Variants in P3H2 observed in about 807,000 individuals in gnomAD.
P3H2 encodes the protein prolyl 3-hydroxylase 2.
In P3H2, 80 loss-of-function variants were observed where a neutral mutation model predicts 87.0. The observed-to-expected ratio is 0.92, with a 90% CI of 0.77 to 1.11. The LOEUF is 1.11. Among genes scored for constraint, P3H2 ranks in the 50% least tolerant of loss-of-function variants. The pLI is 0.00. For missense variants in P3H2, 1,001 were observed against 923.9 expected (o/e 1.08, Z -1.08); for synonymous variants, 367 against 359.3 (o/e 1.02, Z -0.24).
At chr3:190,101,363 G>A (rs1244804803) in intron 1 of P3H2, among the ~76,000 whole-genome samples, 1 of 33,228 alleles carries the variant, frequency 3.0e-5, no homozygotes, top group Non-Finnish European at 5.1e-5. Context: ...ACCAAATCAT[G>A]AACGCAAAAA....
intron 1 of P3H2, among the ~76,000 whole-genome samples, chr3:190,119,324 A>C (rs997575027): frequency 4.6e-5 from 7 of 152,104 alleles, no homozygotes; most frequent in African/African-American, 1.7e-4. Context: ...TGTAGAAGAT[A>C]CATTGATATA....
rs571998202 is a variant in P3H2, at chr3:190,049,076, G to A, written c.481-53634C>T. ...GACTCAGTCCTCAACCCTTGCCAAA[G>A]TAGTAGTTTTCTAGATATAAAACTA... On this transcript the variant is annotated intron_variant, in intron 1 of 14. Coordinates refer to ENST00000319332, the MANE Select transcript of P3H2 (RefSeq NM_018192.4). Among the ~76,000 whole-genome samples the A allele has an allele frequency of 1.2e-4, 18 of 152,278 alleles. No individual in the cohort carries two copies. The South Asian group carries it at 3.7e-3, about 32-fold the overall frequency.
intron 14 of P3H2, among the ~76,000 whole-genome samples, chr3:189,958,421 A>G (rs1722704591): frequency 6.6e-6 from 1 of 152,074 alleles, no homozygotes; most frequent in Non-Finnish European, 1.5e-5. Flanking sequence ...CCTGCATCTG[A>G]TAAGTCACCT....
intron 1 of P3H2, among the ~76,000 whole-genome samples, chr3:190,002,549 C>T (rs1372428018): frequency 1.3e-5 from 2 of 152,004 alleles, no homozygotes; most frequent in East Asian, 1.9e-4. Context: ...TACAGGCACG[C>T]GCCAACACAC....
intron 1 of P3H2, among the ~76,000 whole-genome samples, chr3:190,012,317 C>T (rs931278659): frequency 1.3e-5 from 2 of 151,442 alleles, no homozygotes; most frequent in Non-Finnish European, 2.9e-5. Flanking sequence ...TTCCTGCTGT[C>T]CTTAATCTAT....
At chr3:189,966,191 GAAAA>G (rs1210937032) in intron 13 of P3H2, among the ~76,000 whole-genome samples, 1 of 141,926 alleles carries the variant, frequency 7.0e-6, no homozygotes, top group Non-Finnish European at 1.6e-5. Flanking sequence ...AAGAAAGAAA[GAAAA>G]GCCTTCTGAG....
At chr3:190,076,466 C>T (rs937769021) in intron 1 of P3H2, among the ~76,000 whole-genome samples, 1 of 152,166 alleles carries the variant, frequency 6.6e-6, no homozygotes, top group African/African-American at 2.4e-5. Context: ...GATGAGGCAG[C>T]TATTACTACA....
rs1007309059 is a variant in P3H2 at position 189,961,129 on chromosome 3, C to T, written c.2034+2829G>A. Among the ~76,000 whole-genome samples, 13 of 152,062 alleles carry T rather than the reference C, an allele frequency of 8.5e-5. 1 individual carries two copies. The East Asian group carries it at 2.5e-3, about 29-fold the overall frequency. ...CTAATTTTTGTAATTTTAGTAGAGA[C>T]GGGGTTTCGCCATGTTGGCCAGGCT... On this transcript the variant is annotated intron_variant, in intron 14 of 14. Coordinates refer to ENST00000319332, the MANE Select transcript of P3H2 (RefSeq NM_018192.4).
At chr3:190,032,618 T>G (rs1329670252) in intron 1 of P3H2, among the ~76,000 whole-genome samples, 3 of 152,172 alleles carry the variant, frequency 2.0e-5, no homozygotes, top group Non-Finnish European at 2.9e-5. Flanking sequence ...ATGGGTACAT[T>G]TAGAGCTTTG....
Position 189,973,929 on chromosome 3 carries a change from T to C in P3H2, c.1528A>G (p.Thr510Ala). 2 of 1,613,936 alleles carry C rather than the reference T, an allele frequency of 1.2e-6. No homozygotes were observed. Among genetic ancestry groups the C allele is most frequent in the Non-Finnish European group, 1.7e-6 (2 of 1,179,814 alleles). The stretch of plus-strand genomic sequence containing the variant: ...TTTACTTTGAGTGCTTTCAGGACAG[T>C]TGCACCTTCAAACTTTTCATTGGGT... ...HTPNEKFEGA[T>A]VLKALKSGYE... Residue 510 changes from threonine to alanine, a missense_variant, in exon 10 of 15, where the codon ACT becomes GCT. Transcript: ENST00000319332.
In P3H2 at chr3:189,988,988, C is replaced by T; in HGVS notation, c.874G>A (p.Ala292Thr). 6.2e-7 allele frequency: 1 copy of T among 1,614,004 alleles called. No homozygotes were observed. The highest frequency in any genetic ancestry group is 8.5e-7 in the Non-Finnish European group (1 of 1,179,990). The change falls in exon 4 of 15, where the codon GCC becomes ACC. Residue 292 changes from alanine (A) to threonine (T), a missense_variant. Ala to Thr is a moderately conservative substitution (Grantham distance 58, BLOSUM62 0). Transcript: ENST00000319332. Reference protein sequence around the residue: ...VCQHECVRELATRPGRLSPIE... With the variant: ...VCQHECVRELTTRPGRLSPIE... ...GGAGAGAGGCGGCCAGGGCGGGTGG[C>T]AAGTTCCCTCACACATTCATGCTGA...
At chr3:189,986,922 A>T (rs762090246) in intron 5 of P3H2, 45 bp from the exon 6 acceptor site, 1 of 1,242,764 alleles carries the variant, frequency 8.0e-7, no homozygotes, top group Non-Finnish European at 1.2e-6. Flanking sequence ...TTTAAATAGC[A>T]GGTAAGAGAT....
chr3:190,029,983 C>T lies in P3H2; in HGVS notation c.481-34541G>A, dbSNP rs1725202347. ...TGCCACTGCACTCCAGCCTGAGCAA[C>T]AAGAGTTAAACTCCGTCTCAAAAAA... On this transcript the variant is annotated intron_variant, in intron 1 of 14. Coordinates refer to ENST00000319332, the MANE Select transcript of P3H2 (RefSeq NM_018192.4). Among the ~76,000 whole-genome samples, 2 of 132,748 alleles carry T rather than the reference C, an allele frequency of 1.5e-5. 1 individual carries two copies. Among genetic ancestry groups the T allele is most frequent in the Non-Finnish European group, 3.2e-5 (2 of 63,138 alleles). 87.1% of individuals were successfully genotyped at this position (132,748 alleles called of 152,430 possible). A position where few individuals can be genotyped will look rare whatever the true frequency, so the allele number is the denominator to read the frequency against.
At chr3:190,089,843 G>C (rs6787151) in intron 1 of P3H2, among the ~76,000 whole-genome samples, 68,560 of 152,076 alleles carry the variant, frequency 0.45, 17,888 homozygotes, top group African/African-American at 0.74. Flanking sequence ...GGCTACCACC[G>C]TGGTGCAATT....
At chr3:190,065,649 T>C (rs1486547592) in intron 1 of P3H2, among the ~76,000 whole-genome samples, 1 of 152,128 alleles carries the variant, frequency 6.6e-6, no homozygotes, top group Admixed American at 6.5e-5. Flanking sequence ...TTGTTTGGCC[T>C]ATTCTGTCAT....
intron 1 of P3H2, among the ~76,000 whole-genome samples, chr3:190,005,089 T>A (rs115295372): frequency 8.1e-4 from 123 of 152,350 alleles, no homozygotes; most frequent in Admixed American, 2.2e-3. Flanking sequence ...GGCAATTAAC[T>A]ATGGATTTCT....
At chr3:190,044,232 G>A (rs1457324341) in intron 1 of P3H2, among the ~76,000 whole-genome samples, 2 of 152,136 alleles carry the variant, frequency 1.3e-5, no homozygotes, top group Non-Finnish European at 2.9e-5. Flanking sequence ...GCACTTGTCA[G>A]GAGCACACGT....
chr3:190,046,494 A>T (rs1323838721), intron 1 of P3H2, among the ~76,000 whole-genome samples: 1 of 152,174 alleles, frequency 6.6e-6, no homozygotes, highest in Non-Finnish European at 1.5e-5. Flanking sequence ...GATGATGATG[A>T]AGAGAGGAGC....
chr3:190,045,892 T>G (rs1271292756), intron 1 of P3H2, among the ~76,000 whole-genome samples: 4 of 151,810 alleles, frequency 2.6e-5, no homozygotes, highest in Non-Finnish European at 4.4e-5. Context: ...GAGGCCAAGG[T>G]GGGCAGATCA....
Sources: gnomAD v4.1 joint callset for allele counts (sites outside exome capture counted in the v4.1 genomes callset) on GRCh38, gnomAD v4.1.1 for gene constraint, MANE v1.5 for transcripts, NCBI Gene and HGNC (gene_info 2026-07-23, HGNC 2026-07-21) for gene names.